Variants in USP53 observed in about 807,000 individuals in gnomAD.
USP53 encodes ubiquitin carboxyl-terminal hydrolase 53.
A neutral mutation model predicts 94.9 loss-of-function variants in USP53; 71 were observed. That is an observed-to-expected ratio of 0.75 (90% CI 0.62 to 0.91). USP53 has a LOEUF of 0.91. USP53 is among the 40% of genes least tolerant of loss of function. The probability of loss-of-function intolerance (pLI) is 0.00; values close to 1 mark genes in which losing one functional copy is unlikely to be tolerated. For synonymous variants in USP53, 375 were observed against 422.7 expected, an observed-to-expected ratio of 0.89 and a Z score of 1.39; for missense variants, 1,173 against 1,281.0, an observed-to-expected ratio of 0.92 and a Z score of 1.29.
At chr4:119,271,203 C>G (rs1429955918) in intron 15 of USP53, 93 bp from the exon 16 acceptor site, 2 of 1,484,172 alleles carry the variant, frequency 1.3e-6, no homozygotes, top group South Asian at 1.5e-5. Context: ...ACCTAAAACT[C>G]TTTAACATTT....
chr4:119,267,385 G>A lies in USP53; in HGVS notation c.1038G>A (p.Leu346=), dbSNP rs777908435. 1.4e-5 allele frequency: 23 copies of A among 1,613,982 alleles called. No individual in the cohort carries two copies. The highest frequency in any genetic ancestry group is 1.3e-4 in the Admixed American group (8 of 60,006). The change falls in exon 13 of 19, where the codon TTG becomes TTA. Residue 346 remains leucine (L), a synonymous_variant. Coordinates refer to ENST00000692078, the MANE Select transcript of USP53 (RefSeq NM_001371395.1). ...GATGCCACTTTCAGCCACTACTTTT[G>A]TTTTATGCAAACCCAGATGGCACAG... The part of the protein sequence containing the change: ...CIRCHFQPLL[L]FYANPDGTAV...
Position 119,249,502 on chromosome 4 carries a change from CTTCT to C in USP53, c.372+625_372+628del, listed in dbSNP as rs200823327. ...ATTAAGTTGTAACCATTTCTTCTCT[CTTCT>C]TTCTGTTTCTAGTCAGCAAAGTTTG... On this transcript the variant is annotated intron_variant, in intron 7 of 18. Coordinates refer to ENST00000692078, the MANE Select transcript of USP53 (RefSeq NM_001371395.1). Among the ~76,000 whole-genome samples the C allele has an allele frequency of 2.7e-3, 417 of 152,216 alleles. 1 individual carries two copies. Among genetic ancestry groups the C allele is most frequent in the African/African-American group, 9.7e-3 (403 of 41,520 alleles).
chr4:119,278,405 C>A (rs1752957120), intron 17 of USP53, among the ~76,000 whole-genome samples: 2 of 147,300 alleles, frequency 1.4e-5, no homozygotes, highest in African/African-American at 5.0e-5. Context: ...AAATTCTTTT[C>A]TTTAAGAATG....
chr4:119,261,958 T>C (rs186577499), intron 12 of USP53, 94 bp downstream of exon 12: 3 of 1,032,118 alleles, frequency 2.9e-6, no homozygotes. Flanking sequence ...AAGGATGATA[T>C]AATTAATATG....
chr4:119,273,772 C>CTAT, intron 17 of USP53, 64 bp downstream of exon 17: 1 of 1,353,488 alleles, frequency 7.4e-7, no homozygotes, highest in South Asian at 1.4e-5. Context: ...TTATTGTTTG[C>CTAT]TATTATGTAT....
At chr4:119,230,075 G>A (rs1428694695) in intron 3 of USP53, among the ~76,000 whole-genome samples, 3 of 152,016 alleles carry the variant, frequency 2.0e-5, no homozygotes, top group Admixed American at 2.0e-4. Flanking sequence ...GCTTCCACAT[G>A]GATCTTATGC....
At chr4:119,273,432 G>A in intron 16 of USP53, 200 bp from the exon 17 acceptor site, 1 of 427,630 alleles carries the variant, frequency 2.3e-6, no homozygotes, top group East Asian at 3.6e-5. Flanking sequence ...TTTAATTATT[G>A]GGCAAATTAA....
chr4:119,291,429 G>A (rs775971050), intron 18 of USP53, among the ~76,000 whole-genome samples, 168 bp downstream of exon 18: 105 of 151,416 alleles, frequency 6.9e-4, no homozygotes, highest in Non-Finnish European at 1.1e-3. Flanking sequence ...AGCTTACAAA[G>A]TACCAGGTAC....
At chr4:119,214,341 GA>G (rs1280503950) in intron 2 of USP53, 119 bp downstream of exon 2, 1 of 152,066 alleles carries the variant, frequency 6.6e-6, no homozygotes, top group Non-Finnish European at 1.5e-5. Flanking sequence ...GATAAACCAT[GA>G]AAGTGATTTA....
rs28408940 is a variant in USP53, at chr4:119,213,641, G to T, written c.-941-429G>T. 7.9e-4 allele frequency among the ~76,000 whole-genome samples: 85 copies of T among 108,094 alleles called. 3 individuals are homozygous for T. Among genetic ancestry groups the T allele is most frequent in the African/African-American group, 1.5e-3 (35 of 23,704 alleles). 70.9% of individuals were successfully genotyped at this position (108,094 alleles called of 152,430 possible). ...CCGAAAGTTTCCTTATCTGGAAATAGATATATATATATATATATATGTGTG... is the reference window on the plus strand; with the variant it reads ...CCGAAAGTTTCCTTATCTGGAAATATATATATATATATATATATATGTGTG... On this transcript the variant is annotated intron_variant, in intron 1 of 18. Coordinates refer to ENST00000692078, the MANE Select transcript of USP53 (RefSeq NM_001371395.1).
At position 119,292,970 on chromosome 4, in the gene USP53, A is replaced by G. The variant is rs747551711; in HGVS notation, c.2981A>G (p.Asn994Ser). ...TTTCAAGTGAGAGAATGTTTTGGCA[A>G]CACACCAAACTGTCCATCCAGCTCC... ...ETFQVRECFG[N>S]TPNCPSSSST... The change falls in exon 19 of 19, where the codon AAC becomes AGC. Residue 994 changes from asparagine (N) to serine (S), a missense_variant. Physicochemically the swap from Asn to Ser is conservative, Grantham distance 46. Transcript: ENST00000692078. The G allele has an allele frequency of 9.3e-6, 15 of 1,614,130 alleles. No homozygotes were observed. The highest frequency in any genetic ancestry group is 3.3e-5 in the South Asian group (3 of 91,080).
Position 119,294,723 on chromosome 4 carries a change from TA to T in USP53, c.*1516del, listed in dbSNP as rs1345544853. ...CTGTTAAACAGAAAATAATTGCTTATAAAAGTCTAACTTCACCCAGTTACCA... is the reference window on the plus strand; with the variant it reads ...CTGTTAAACAGAAAATAATTGCTTATAAAGTCTAACTTCACCCAGTTACCA... On this transcript the variant is annotated 3_prime_UTR_variant, in exon 19 of 19. Transcript: ENST00000692078. 4 of 152,288 alleles carry T rather than the reference TA, an allele frequency of 2.6e-5. No individual in the cohort carries two copies. The highest frequency in any genetic ancestry group is 4.1e-4 in the South Asian group (2 of 4,832). The allele number at this position is 152,288 out of a possible 1,614,324, so 9.4% of individuals were successfully genotyped here.
At chr4:119,252,911 C>T (rs563215041) in intron 7 of USP53, among the ~76,000 whole-genome samples, 1 of 152,264 alleles carries the variant, frequency 6.6e-6, no homozygotes, top group Non-Finnish European at 1.5e-5. Flanking sequence ...TTAAATGTGT[C>T]CCAGAGATTT....
At chr4:119,286,099 T>A (rs7659403) in intron 17 of USP53, among the ~76,000 whole-genome samples, 60,661 of 151,554 alleles carry the variant, frequency 0.4, 12,427 homozygotes, top group Non-Finnish European at 0.46. Context: ...AGTAAATTTA[T>A]CCATAAATAT....
intron 9 of USP53, 64 bp from the exon 10 acceptor site, chr4:119,259,756 C>T (rs1750257828): frequency 8.0e-7 from 1 of 1,249,322 alleles, no homozygotes; most frequent in Non-Finnish European, 1.1e-6. Flanking sequence ...CAATATTTTT[C>T]ATGTGTAATT....
intron 17 of USP53, among the ~76,000 whole-genome samples, chr4:119,281,316 G>A (rs1753488533): frequency 6.6e-6 from 1 of 152,174 alleles, no homozygotes; most frequent in Non-Finnish European, 1.5e-5. Context: ...ATTCAGAGGA[G>A]TAGAAGGGAT....
At chr4:119,238,961 T>C (rs2149322648) in intron 4 of USP53, among the ~76,000 whole-genome samples, 1 of 152,308 alleles carries the variant, frequency 6.6e-6, no homozygotes, top group East Asian at 1.9e-4. Context: ...TAATTTATTC[T>C]AGATTTTTGG....
intron 17 of USP53, among the ~76,000 whole-genome samples, chr4:119,285,004 G>A (rs933499835): frequency 1.3e-5 from 2 of 151,858 alleles, no homozygotes; most frequent in Admixed American, 6.6e-5. Context: ...CTTAGTTTGC[G>A]TTTTGTTTTG....
At position 119,292,879 on chromosome 4, in the gene USP53, A is replaced by G; in HGVS notation, c.2890A>G (p.Ser964Gly). The change falls in exon 19 of 19, where the codon AGT (serine) becomes GGT (glycine). Residue 964 changes from serine (S) to glycine (G), a missense_variant. Transcript: ENST00000692078. ...ATSHLPKHSL[S>G]TASEPSLEVS... Reference sequence around the variant, plus strand: ...CTCTCATCTTCCGAAGCACAGTTTAAGTACAGCTTCAGAACCAAGTTTAGA... The same window carrying G: ...CTCTCATCTTCCGAAGCACAGTTTAGGTACAGCTTCAGAACCAAGTTTAGA... The G allele has an allele frequency of 1.2e-6, 2 of 1,614,122 alleles. No individual in the cohort carries two copies. The highest frequency in any genetic ancestry group is 1.7e-6 in the Non-Finnish European group (2 of 1,179,972).
Sources: allele counts gnomAD v4.1 joint callset (sites outside exome capture counted in the v4.1 genomes callset), GRCh38; gene constraint gnomAD v4.1.1; transcripts MANE v1.5; gene names NCBI Gene and HGNC (gene_info 2026-07-23, HGNC 2026-07-21).